Variants in SORT1 observed in about 807,000 individuals in gnomAD.
SORT1 encodes sortilin.
In SORT1, 39 loss-of-function variants were observed where a neutral mutation model predicts 101.7. The observed-to-expected ratio is 0.38, with a 90% CI of 0.30 to 0.50. The LOEUF (loss-of-function observed/expected upper bound fraction) is 0.50. SORT1 is among the 20% of genes least tolerant of loss of function. The pLI is 0.90. For missense variants in SORT1, 878 were observed against 1,040.4 expected, an observed-to-expected ratio of 0.84 and a Z score of 2.15; for synonymous variants, 396 against 393.7, an observed-to-expected ratio of 1.01 and a Z score of -0.07.
intron 16 of SORT1, 70 bp downstream of exon 16, chr1:109,317,783 G>T: frequency 9.6e-7 from 1 of 1,041,998 alleles, no homozygotes. Context: ...TCTCAGTGTG[G>T]AGAGAAGCAG....
chr1:109,350,880 A>G (rs1326059798), intron 6 of SORT1, 49 bp downstream of exon 6: 31 of 1,229,506 alleles, frequency 2.5e-5, no homozygotes, highest in Non-Finnish European at 3.6e-5. Context: ...TGGCAGCGCT[A>G]TCAGGAAGGG....
intron 15 of SORT1, among the ~76,000 whole-genome samples, 185 bp downstream of exon 15, chr1:109,322,747 C>A (rs1345211499): frequency 6.6e-6 from 1 of 152,160 alleles, no homozygotes; most frequent in African/African-American, 2.4e-5. Context: ...ACCATGTTGA[C>A]CAGGCTGGTC....
At chr1:109,386,971 A>T (rs1344340140) in intron 1 of SORT1, among the ~76,000 whole-genome samples, 1 of 152,244 alleles carries the variant, frequency 6.6e-6, no homozygotes. Flanking sequence ...AAGGGGAAGA[A>T]AAATTGTTAT....
At chr1:109,392,492 C>A in intron 1 of SORT1, 2 of 433,994 alleles carry the variant, frequency 4.6e-6, no homozygotes, top group Non-Finnish European at 6.1e-6. Flanking sequence ...AGAACATAAG[C>A]CTTCTTCCAA....
At chr1:109,336,121 C>T in intron 11 of SORT1, 119 bp downstream of exon 11, 1 of 642,054 alleles carries the variant, frequency 1.6e-6, no homozygotes, top group Non-Finnish European at 2.8e-6. Context: ...CATCTCCAAA[C>T]TTTCCACCTT....
At chr1:109,364,053 T>C (rs920565287) in intron 3 of SORT1, among the ~76,000 whole-genome samples, 2 of 152,058 alleles carry the variant, frequency 1.3e-5, no homozygotes, top group African/African-American at 4.8e-5. Flanking sequence ...AGATAATTAA[T>C]ATTCAAAGTC....
intron 1 of SORT1, 28 bp downstream of exon 1, chr1:109,397,559 G>A: frequency 8.7e-7 from 1 of 1,155,348 alleles, no homozygotes; most frequent in Non-Finnish European, 1.1e-6. Flanking sequence ...TCGCACCCGA[G>A]CGGCTCCCGG....
intron 1 of SORT1, among the ~76,000 whole-genome samples, chr1:109,390,470 G>T (rs1488406600): frequency 2.6e-5 from 4 of 152,092 alleles, no homozygotes; most frequent in African/African-American, 9.7e-5. Flanking sequence ...AAAGACCACT[G>T]AAGTTAAGTG....
At chr1:109,340,122 C>T (rs1463672323) in intron 10 of SORT1, among the ~76,000 whole-genome samples, 1 of 129,498 alleles carries the variant, frequency 7.7e-6, no homozygotes, top group Admixed American at 9.8e-5. Context: ...GCACTCCAGT[C>T]TGGGCAACAG....
At chr1:109,362,740 A>G (rs1650809219) in intron 3 of SORT1, among the ~76,000 whole-genome samples, 1 of 152,132 alleles carries the variant, frequency 6.6e-6, no homozygotes, top group Non-Finnish European at 1.5e-5. Flanking sequence ...CTTTACGTGT[A>G]TAGAAGTGAA....
At chr1:109,354,845 T>C (rs540144652) in intron 4 of SORT1, among the ~76,000 whole-genome samples, 3 of 152,306 alleles carry the variant, frequency 2.0e-5, no homozygotes, top group African/African-American at 7.2e-5. Flanking sequence ...GCTGCATAAT[T>C]ATTAAGGGCT....
chr1:109,322,655 A>G (rs1325172475), intron 15 of SORT1, among the ~76,000 whole-genome samples: 2 of 75,890 alleles, frequency 2.6e-5, no homozygotes, highest in South Asian at 4.7e-4. Flanking sequence ...CAGCCACCTG[A>G]GCAGCTTGGG....
rs867331528 is a variant in SORT1, at chr1:109,315,346, G to C, written c.2251-568C>G. Among the ~76,000 whole-genome samples, 4 of 152,258 alleles carry C rather than the reference G, an allele frequency of 2.6e-5. No individual in the cohort carries two copies. In the South Asian group the frequency reaches 6.2e-4, roughly 24 times the overall value. On this transcript the variant is annotated intron_variant, in intron 17 of 19. Coordinates refer to ENST00000256637, the MANE Select transcript of SORT1 (RefSeq NM_002959.7). ...GAGTGTGTGTTTTCAATGTATCCCA[G>C]AGGAGGCAGAGCTGGATTCTAGGAC...
At chr1:109,325,364 C>T (rs1426024159) in intron 13 of SORT1, among the ~76,000 whole-genome samples, 2 of 151,306 alleles carry the variant, frequency 1.3e-5, no homozygotes, top group Non-Finnish European at 2.9e-5. Flanking sequence ...GCCTCAGCCT[C>T]CTGAGTAGCT....
chr1:109,340,618 T>C (rs979425762), intron 10 of SORT1, 106 bp downstream of exon 10: 1 of 1,142,220 alleles, frequency 8.8e-7, no homozygotes, highest in African/African-American at 1.6e-5. Flanking sequence ...ATGGGTAGGC[T>C]TGTTGGCTTG....
Position 109,347,636 on chromosome 1 carries a change from C to T in SORT1, c.783-104G>A, listed in dbSNP as rs11802245. 5,091 of 755,864 alleles carry T rather than the reference C, an allele frequency of 6.7e-3. 185 individuals are homozygous for T. The African/African-American group carries it at 0.079, about 12-fold the overall frequency. The allele number at this position is 755,864 out of a possible 1,614,324, so 46.8% of individuals were successfully genotyped here. On this transcript the variant is annotated intron_variant, in intron 6 of 19. Transcript: ENST00000256637. ...TAGCAGGTCTAACAAGCTTCATTCA[C>T]AGGCACTGACAAGCACCACTTCTCA...
chr1:109,321,971 C>A (rs1202358711), intron 15 of SORT1, among the ~76,000 whole-genome samples: 1 of 152,186 alleles, frequency 6.6e-6, no homozygotes, highest in Non-Finnish European at 1.5e-5. Context: ...TTGATGGGAC[C>A]ATGACTATAC....
intron 1 of SORT1, among the ~76,000 whole-genome samples, chr1:109,380,225 C>T (rs1314783279): frequency 6.6e-6 from 1 of 151,654 alleles, no homozygotes; most frequent in African/African-American, 2.4e-5. Context: ...CCTGGGAGTT[C>T]GAGGCTGTAG....
chr1:109,334,176 C>T (rs928255918), intron 11 of SORT1, among the ~76,000 whole-genome samples: 2 of 151,984 alleles, frequency 1.3e-5, no homozygotes, highest in Non-Finnish European at 2.9e-5. Flanking sequence ...AAATGAAGGA[C>T]AGAACTACCA....
Sources: allele counts gnomAD v4.1 joint callset (sites outside exome capture counted in the v4.1 genomes callset), GRCh38; gene constraint gnomAD v4.1.1; transcripts MANE v1.5; gene names NCBI Gene and HGNC (gene_info 2026-07-23, HGNC 2026-07-21).